Variants in DDX31 observed in about 807,000 individuals in gnomAD.
DDX31 encodes ATP-dependent DNA helicase DDX31.
DDX31 carries 70 observed loss-of-function variants against 91.3 expected under a neutral mutation model. That is an observed-to-expected ratio of 0.77 (90% confidence interval 0.63 to 0.94). The LOEUF (loss-of-function observed/expected upper bound fraction) is 0.94. Among genes scored for constraint, DDX31 ranks in the 40% least tolerant of loss-of-function variants. The pLI, the probability that DDX31 is intolerant of heterozygous loss-of-function variation, is 0.00. For synonymous variants in DDX31, 362 were observed against 350.6 expected, an observed-to-expected ratio of 1.03 and a Z score of -0.36; for missense variants, 902 against 925.0, an observed-to-expected ratio of 0.98 and a Z score of 0.32.
chr9:132,647,175 T>TG, intron 11 of DDX31, 117 bp from the exon 12 acceptor site: 2 of 895,068 alleles, frequency 2.2e-6, no homozygotes, highest in Non-Finnish European at 3.5e-6. Context: ...TGTTACCCCA[T>TG]GGGTATCACC....
intron 18 of DDX31, among the ~76,000 whole-genome samples, chr9:132,617,463 T>C (rs1475313379): frequency 1.3e-5 from 2 of 152,088 alleles, no homozygotes; most frequent in African/African-American, 4.8e-5. Flanking sequence ...TCGCATGCAT[T>C]CCAAGCACTC....
At chr9:132,664,496 G>A (rs1300726920) in intron 1 of DDX31, among the ~76,000 whole-genome samples, 1 of 152,078 alleles carries the variant, frequency 6.6e-6, no homozygotes, top group African/African-American at 2.4e-5. Context: ...ATTGCTTGAG[G>A]CCAGGAGTTC....
At chr9:132,606,668 G>C (rs1831043816) in intron 19 of DDX31, among the ~76,000 whole-genome samples, 1 of 152,160 alleles carries the variant, frequency 6.6e-6, no homozygotes, top group Non-Finnish European at 1.5e-5. Flanking sequence ...AGAGGACCCA[G>C]GCACAGAGAC....
chr9:132,647,197 C>G (rs942486566), intron 11 of DDX31, 139 bp from the exon 12 acceptor site: 24 of 715,954 alleles, frequency 3.4e-5, no homozygotes, highest in Non-Finnish European at 5.7e-5. Context: ...AGTCCCAGCA[C>G]TGATCCGCCC....
chr9:132,662,928 C>A (rs1835074009), intron 1 of DDX31, among the ~76,000 whole-genome samples: 1 of 152,202 alleles, frequency 6.6e-6, no homozygotes, highest in South Asian at 2.1e-4. Flanking sequence ...TACCAGACCT[C>A]ACCAGCCATT....
At chr9:132,637,518 T>C (rs995923873) in intron 14 of DDX31, among the ~76,000 whole-genome samples, 4 of 152,160 alleles carry the variant, frequency 2.6e-5, no homozygotes, top group Admixed American at 6.5e-5. Flanking sequence ...GTGCTTTTAC[T>C]AACAGGGAGA....
chr9:132,605,487 G>C (rs768707695), intron 19 of DDX31, among the ~76,000 whole-genome samples: 2 of 152,146 alleles, frequency 1.3e-5, no homozygotes, highest in Non-Finnish European at 2.9e-5. Context: ...TGACACACTT[G>C]TGGTCCCCAA....
In DDX31 at chr9:132,619,441, TA is replaced by T. The variant is rs1197730893; in HGVS notation, c.1714-1001del. 2.0e-5 allele frequency among the ~76,000 whole-genome samples: 3 copies of T among 152,094 alleles called. No individual in the cohort carries two copies. In the South Asian group the frequency reaches 6.2e-4, roughly 32 times the overall value. ...GACCGGGTCGTGCTGCTTAACCTTG[TA>T]GAGGACGGTGTATGAGCGCCTGCAT... is the stretch of plus-strand genomic sequence containing the variant. On this transcript the variant is annotated intron_variant, in intron 17 of 19. Transcript: ENST00000372159.
chr9:132,626,039 A>G (rs1043182860), intron 16 of DDX31, among the ~76,000 whole-genome samples: 1 of 152,074 alleles, frequency 6.6e-6, no homozygotes, highest in Non-Finnish European at 1.5e-5. Flanking sequence ...TAAATCTTGA[A>G]TACCAAATAA....
intron 14 of DDX31, among the ~76,000 whole-genome samples, chr9:132,633,576 T>C (rs1287892688): frequency 6.6e-6 from 1 of 152,118 alleles, no homozygotes; most frequent in Non-Finnish European, 1.5e-5. Flanking sequence ...CTCTAGGATA[T>C]ATTTTGAGTG....
intron 15 of DDX31, among the ~76,000 whole-genome samples, chr9:132,631,346 C>A (rs904427773): frequency 1.3e-5 from 2 of 152,116 alleles, no homozygotes; most frequent in Non-Finnish European, 2.9e-5. Flanking sequence ...ATCTTCAGTT[C>A]ACTCTGTGGC....
chr9:132,626,912 G>A (rs773022542), intron 16 of DDX31, among the ~76,000 whole-genome samples: 5 of 152,086 alleles, frequency 3.3e-5, no homozygotes, highest in Admixed American at 1.3e-4. Context: ...AGGAGGCAGA[G>A]CATGCTCTGA....
chr9:132,620,992 G>C (rs1831994097), intron 17 of DDX31, among the ~76,000 whole-genome samples: 1 of 152,200 alleles, frequency 6.6e-6, no homozygotes, highest in South Asian at 2.1e-4. Flanking sequence ...CAGGCCATCA[G>C]AAAGGATGAG....
Position 132,646,598 on chromosome 9 carries a change from G to A in DDX31, c.1203+225C>T, listed in dbSNP as rs150344132. On this transcript the variant is annotated intron_variant, in intron 12 of 19. Coordinates refer to ENST00000372159, the MANE Select transcript of DDX31 (RefSeq NM_022779.9). ...TAATATCAGTCCCAGGAAAGGTATC[G>A]AGAACATTTCAAGCTGAACATCATG... is the stretch of plus-strand genomic sequence containing the variant. Among the ~76,000 whole-genome samples, 747 of 152,276 alleles carry A rather than the reference G, an allele frequency of 4.9e-3. 3 individuals carry two copies. Among genetic ancestry groups the A allele is most frequent in the African/African-American group, 0.017 (702 of 41,546 alleles).
At position 132,630,347 on chromosome 9, in the gene DDX31, C is replaced by T; in HGVS notation, c.1548G>A (p.Arg516=). The T allele has an allele frequency of 6.2e-7, 1 of 1,604,902 alleles. No individual in the cohort carries two copies. ...GCAGGCTGCTCCCATGGCAGCCAATCCGGGCGGTTCTTCCAATCCGGTGGA... is the reference window on the plus strand; with the variant it reads ...GCAGGCTGCTCCCATGGCAGCCAATTCGGGCGGTTCTTCCAATCCGGTGGA... ...EYIHRIGRTA[R]IGCHGSSLLI... The change falls in exon 16 of 20, where the codon CGG becomes CGA. Residue 516 remains arginine, a synonymous_variant. Transcript: ENST00000372159.
At chr9:132,631,538 C>T (rs1367504787) in intron 15 of DDX31, among the ~76,000 whole-genome samples, 1 of 152,178 alleles carries the variant, frequency 6.6e-6, no homozygotes, top group Admixed American at 6.5e-5. Context: ...ATTCTGTAGA[C>T]TAATGAAAAG....
chr9:132,615,104 T>C (rs12682775), intron 18 of DDX31, among the ~76,000 whole-genome samples: 27,672 of 152,132 alleles, frequency 0.18, 3,249 homozygotes, highest in East Asian at 0.42. Context: ...GGGTGACGGA[T>C]GAAGCTACAG....
intron 6 of DDX31, among the ~76,000 whole-genome samples, chr9:132,653,056 A>G (rs1218624134): frequency 2.6e-5 from 4 of 152,074 alleles, no homozygotes; most frequent in Admixed American, 2.0e-4. Flanking sequence ...AAGAAATATG[A>G]TGTATAAAAT....
intron 19 of DDX31, among the ~76,000 whole-genome samples, chr9:132,601,255 G>A (rs188833080): frequency 6.6e-6 from 1 of 152,186 alleles, no homozygotes; most frequent in South Asian, 2.1e-4. Context: ...CCAAAGGGAT[G>A]GGCCTACGCT....
Sources: allele counts gnomAD v4.1 joint callset (sites outside exome capture counted in the v4.1 genomes callset), GRCh38; gene constraint gnomAD v4.1.1; transcripts MANE v1.5; gene names NCBI Gene and HGNC (gene_info 2026-07-23, HGNC 2026-07-21).